ZNF385D: variants seen among roughly 807,000 people sequenced by gnomAD.
ZNF385D encodes the protein zinc finger protein 659.
A neutral mutation model predicts 35.8 loss-of-function variants in ZNF385D; 15 were observed. The observed-to-expected ratio is 0.42, with a 90% CI of 0.28 to 0.64. The LOEUF (loss-of-function observed/expected upper bound fraction) is 0.64, where lower values mean the gene tolerates loss of function less well. ZNF385D is among the 30% of genes least tolerant of loss of function. The pLI, the probability that ZNF385D is intolerant of heterozygous loss-of-function variation, is 0.23. For missense variants in ZNF385D, 474 were observed against 494.6 expected (o/e 0.96, Z 0.39); for synonymous variants, 212 against 186.8 (o/e 1.13, Z -1.10).
chr3:21,923,348 T>G, intron 3 of ZNF385D, among the ~76,000 whole-genome samples: 1 of 151,956 alleles, frequency 6.6e-6, no homozygotes, highest in Non-Finnish European at 1.5e-5. Context: ...TATGAAAAAG[T>G]CAAAAAACAA....
intron 2 of ZNF385D, among the ~76,000 whole-genome samples, chr3:21,626,351 G>A (rs929302097): frequency 1.3e-5 from 2 of 151,860 alleles, no homozygotes; most frequent in African/African-American, 2.4e-5. Flanking sequence ...CACAATCTTC[G>A]CAAAAAGTCC....
intron 2 of ZNF385D, among the ~76,000 whole-genome samples, chr3:22,361,500 CTG>C (rs1188274400): frequency 6.6e-6 from 1 of 152,020 alleles, no homozygotes; most frequent in Non-Finnish European, 1.5e-5. Flanking sequence ...TCAAATCTGA[CTG>C]TGGTTATGAA....
intron 3 of ZNF385D, among the ~76,000 whole-genome samples, chr3:22,107,472 C>A (rs1236008710): frequency 6.6e-6 from 1 of 151,904 alleles, no homozygotes; most frequent in Non-Finnish European, 1.5e-5. Flanking sequence ...TTAAAAACTA[C>A]TAATCTTAAA....
intron 1 of ZNF385D, among the ~76,000 whole-genome samples, chr3:21,693,947 C>T (rs1181676542): frequency 6.8e-5 from 10 of 146,964 alleles, no homozygotes; most frequent in African/African-American, 2.3e-4. Flanking sequence ...TGCGCGACCT[C>T]GGCTCACTGC....
At chr3:21,696,045 C>A (rs527827268) in intron 1 of ZNF385D, among the ~76,000 whole-genome samples, 1 of 152,186 alleles carries the variant, frequency 6.6e-6, no homozygotes, top group East Asian at 1.9e-4. Context: ...AGGTCCAGAT[C>A]GGTAAATCAT....
At chr3:21,926,093 A>T (rs991701115) in intron 3 of ZNF385D, among the ~76,000 whole-genome samples, 1 of 152,144 alleles carries the variant, frequency 6.6e-6, no homozygotes, top group African/African-American at 2.4e-5. Flanking sequence ...CTAAACATGC[A>T]ATTAATGTAA....
At chr3:21,976,679 G>A (rs1399616969) in intron 3 of ZNF385D, among the ~76,000 whole-genome samples, 1 of 152,126 alleles carries the variant, frequency 6.6e-6, no homozygotes, top group Non-Finnish European at 1.5e-5. Flanking sequence ...TCCATAAAAT[G>A]GAAAATTATT....
intron 3 of ZNF385D, among the ~76,000 whole-genome samples, chr3:22,029,252 G>A (rs1576183527): frequency 6.6e-6 from 1 of 152,196 alleles, no homozygotes; most frequent in South Asian, 2.1e-4. Flanking sequence ...CTATCAAGAT[G>A]AAATTAATCT....
At chr3:22,085,823 G>A (rs926844040) in intron 3 of ZNF385D, among the ~76,000 whole-genome samples, 3 of 152,064 alleles carry the variant, frequency 2.0e-5, no homozygotes, top group African/African-American at 4.8e-5. Context: ...CTGGCAAACC[G>A]AATCCAGTAG....
At chr3:21,754,005 C>A (rs2070227649), upstream of ZNF385D, among the ~76,000 whole-genome samples, 1 of 152,140 alleles carries the variant, frequency 6.6e-6, no homozygotes, top group African/African-American at 2.4e-5. Flanking sequence ...CATATTGTCA[C>A]AAATGAGAGG....
intron 2 of ZNF385D, among the ~76,000 whole-genome samples, chr3:22,268,153 G>T (rs1468585602): frequency 6.6e-6 from 1 of 151,880 alleles, no homozygotes; most frequent in Non-Finnish European, 1.5e-5. Flanking sequence ...TTAAAAAATG[G>T]TAACTGTTGC....
intron 3 of ZNF385D, among the ~76,000 whole-genome samples, chr3:21,916,648 G>A: frequency 6.6e-6 from 1 of 152,138 alleles, no homozygotes. Flanking sequence ...TGTACTGTCA[G>A]TCTGTTCAAG....
intron 2 of ZNF385D, among the ~76,000 whole-genome samples, chr3:22,179,345 A>C (rs139188669): frequency 0.26 from 29,836 of 116,782 alleles, 2,356 homozygotes; most frequent in East Asian, 0.34. Context: ...CTCTTTGAAG[A>C]AATTGTGAAT....
chr3:21,564,610 T>C lies in ZNF385D; in HGVS notation c.240A>G (p.Ile80Met), dbSNP rs2125649047. ...VPLPHRRKQI[I>M]SCNICQLRFN... ...ATCTCAACTGGCAAATGTTGCATGATATGATTTGCTTTCTTCGGTGGGGAA... is the reference window on the plus strand; with the variant it reads ...ATCTCAACTGGCAAATGTTGCATGACATGATTTGCTTTCTTCGGTGGGGAA... Residue 80 changes from isoleucine (I) to methionine (M), a missense_variant, in exon 3 of 8, where the codon ATA (isoleucine) becomes ATG (methionine). By Grantham distance (10) the Ile-to-Met change is conservative. Transcript: ENST00000281523. 4 of 1,569,936 alleles carry C rather than the reference T, an allele frequency of 2.5e-6. No homozygotes were observed. Among genetic ancestry groups the C allele is most frequent in the Non-Finnish European group, 2.6e-6 (3 of 1,157,290 alleles).
At position 21,987,346 on chromosome 3, in the gene ZNF385D, T is replaced by C. The variant is rs988644831; in HGVS notation, c.325+181471A>G. 3.3e-4 allele frequency among the ~76,000 whole-genome samples: 41 copies of C among 125,884 alleles called. 2 individuals carry two copies. The highest frequency in any genetic ancestry group is 7.8e-5 in the Non-Finnish European group (5 of 64,022). The allele number at this position is 125,884 out of a possible 152,430, so 82.6% of individuals were successfully genotyped here. On this transcript the variant is annotated intron_variant, in intron 3 of 5. Coordinates refer to the ZNF385D transcript ENST00000494108. ...CATGTTTAGTGCTTCCTTCAGGAGCTCTTTTAGGGCAGGTCTGGTGGTGAC... is the reference window on the plus strand; with the variant it reads ...CATGTTTAGTGCTTCCTTCAGGAGCCCTTTTAGGGCAGGTCTGGTGGTGAC...
At chr3:22,318,014 C>T (rs966365974) in intron 2 of ZNF385D, among the ~76,000 whole-genome samples, 1 of 151,648 alleles carries the variant, frequency 6.6e-6, no homozygotes, top group Non-Finnish European at 1.5e-5. Flanking sequence ...AGCATTACCA[C>T]GCTACTGCAT....
At chr3:22,212,134 G>C (rs992531250) in intron 2 of ZNF385D, among the ~76,000 whole-genome samples, 1 of 151,938 alleles carries the variant, frequency 6.6e-6, no homozygotes, top group African/African-American at 2.4e-5. Flanking sequence ...ATGTCAAAAA[G>C]TTGGGCAGTT....
chr3:22,226,759 C>A (rs1022896846), intron 2 of ZNF385D, among the ~76,000 whole-genome samples: 1 of 152,088 alleles, frequency 6.6e-6, no homozygotes, highest in Non-Finnish European at 1.5e-5. Context: ...ATTCTTTCAC[C>A]CTCTTCACTT....
At chr3:21,967,249 T>G (rs1159068364) in intron 3 of ZNF385D, among the ~76,000 whole-genome samples, 2 of 152,176 alleles carry the variant, frequency 1.3e-5, no homozygotes, top group Admixed American at 1.3e-4. Flanking sequence ...TAATTTCTGG[T>G]CTTTTCTCGT....
Sources: gnomAD v4.1 joint callset for allele counts (sites outside exome capture counted in the v4.1 genomes callset) on GRCh38, gnomAD v4.1.1 for gene constraint, MANE v1.5 for transcripts, NCBI Gene and HGNC (gene_info 2026-07-23, HGNC 2026-07-21) for gene names.